The following KIAA2012 variants were observed in gnomAD, a reference collection of about 807,000 sequenced individuals.
KIAA2012 encodes KIAA2012.
A neutral mutation model predicts 150.6 loss-of-function variants in KIAA2012; 125 were observed. The observed-to-expected ratio is 0.83, with a 90% CI of 0.72 to 0.96. The LOEUF (loss-of-function observed/expected upper bound fraction) is 0.96, where lower values mean the gene tolerates loss of function less well. KIAA2012 is among the 40% of genes least tolerant of loss of function. The pLI is 0.00. For missense variants in KIAA2012, 1,219 were observed against 1,354.9 expected (o/e 0.90, Z 1.57); for synonymous variants, 462 against 504.7 (o/e 0.92, Z 1.13).
chr2:202,121,137 G>A (rs1690644295), intron 11 of KIAA2012, among the ~76,000 whole-genome samples: 1 of 152,186 alleles, frequency 6.6e-6, no homozygotes, highest in African/African-American at 2.4e-5. Flanking sequence ...CAACCATGTG[G>A]AAGAGAACAA....
rs1296602796 is a variant in KIAA2012, at chr2:202,109,726, C to G, written c.1588C>G (p.His530Asp). The part of the protein sequence containing the change: ...KGVDSPRTSD[H>D]NSPPSLPNMR... ...CGTGGACAGCCCTAGGACATCAGAC[C>G]ACAACAGCCCCCCAAGTCTCCCGAA... The change falls in exon 10 of 24, where the codon CAC becomes GAC. Residue 530 changes from histidine to aspartate, a missense_variant. His to Asp is a moderately conservative substitution (Grantham distance 81, BLOSUM62 -1). Coordinates refer to ENST00000498697, the MANE Select transcript of KIAA2012 (RefSeq NM_001277372.4). 3.2e-6 allele frequency: 5 copies of G among 1,550,338 alleles called. No homozygotes were observed. The Admixed American group carries it at 7.8e-5, about 24-fold the overall frequency.
intron 2 of KIAA2012, among the ~76,000 whole-genome samples, chr2:202,083,171 T>C (rs1182804774): frequency 6.6e-6 from 1 of 152,200 alleles, no homozygotes; most frequent in Non-Finnish European, 1.5e-5. Flanking sequence ...GACTTTCTTC[T>C]TTATGGCCTT....
intron 13 of KIAA2012, among the ~76,000 whole-genome samples, chr2:202,141,590 G>A (rs1298350236): frequency 1.3e-5 from 2 of 152,220 alleles, no homozygotes; most frequent in Non-Finnish European, 1.5e-5. Flanking sequence ...TGCCAGAGCT[G>A]CAGTCCTGAA....
intron 12 of KIAA2012, 110 bp downstream of exon 12, chr2:202,125,392 C>A: frequency 2.5e-6 from 2 of 795,630 alleles, no homozygotes; most frequent in East Asian, 2.7e-5. Flanking sequence ...CCCAAATATA[C>A]CAATAAGTAG....
chr2:202,135,048 G>A (rs1387883163), intron 12 of KIAA2012, among the ~76,000 whole-genome samples: 1 of 152,218 alleles, frequency 6.6e-6, no homozygotes, highest in African/African-American at 2.4e-5. Flanking sequence ...GGCTTGGGAT[G>A]AGAACCCCAT....
chr2:202,082,759 A>G (rs796745607), intron 2 of KIAA2012, among the ~76,000 whole-genome samples: 32 of 152,158 alleles, frequency 2.1e-4, no homozygotes, highest in African/African-American at 7.7e-4. Context: ...ACTTAGTTCT[A>G]AGAGTTTTAC....
intron 12 of KIAA2012, chr2:202,136,007 A>T (rs9679591): frequency 0.61 from 188,965 of 307,948 alleles, 57,639 homozygotes; most frequent in African/African-American, 0.69. Context: ...AAAAAAAAAA[A>T]TTTTTTTTGA....
rs376450801 is a variant in KIAA2012 at position 202,133,101 on chromosome 2, TA to T, written c.1832-5322del. Among the ~76,000 whole-genome samples the T allele has an allele frequency of 8.1e-5, 6 of 74,188 alleles. No individual in the cohort carries two copies. The South Asian group carries it at 1.5e-3, about 18-fold the overall frequency. The allele number at this position is 74,188 out of a possible 152,430, so 48.7% of individuals were successfully genotyped here. A position where few individuals can be genotyped will look rare whatever the true frequency, so the allele number is the denominator to read the frequency against. ...GCCTGGGCGACAGTGTGAGACTGTC[TA>T]AAAAAAAATATATATATATATATAT... On this transcript the variant is annotated intron_variant, in intron 12 of 23. Transcript: ENST00000498697.
At chr2:202,175,039 T>A (rs1295499850) in intron 15 of KIAA2012, among the ~76,000 whole-genome samples, 1 of 152,228 alleles carries the variant, frequency 6.6e-6, no homozygotes, top group Non-Finnish European at 1.5e-5. Flanking sequence ...GCAAACCAAC[T>A]GTTTACAATT....
chr2:202,174,569 A>C (rs527560800), intron 15 of KIAA2012, among the ~76,000 whole-genome samples: 1 of 152,370 alleles, frequency 6.6e-6, no homozygotes, highest in African/African-American at 2.4e-5. Context: ...CATAAAGCAC[A>C]ATTTAAAAAT....
At position 202,100,443 on chromosome 2, in the gene KIAA2012, G is replaced by C. The variant is rs1348298646; in HGVS notation, c.1149G>C (p.Lys383Asn). 1 of 1,549,586 alleles carries C rather than the reference G, an allele frequency of 6.5e-7. No individual in the cohort carries two copies. The highest frequency in any genetic ancestry group is 1.2e-5 in the South Asian group (1 of 83,894). The change falls in exon 7 of 24, where the codon AAG (lysine) becomes AAC (asparagine). Residue 383 changes from lysine to asparagine, a missense_variant. Lys to Asn is a moderately conservative substitution (Grantham distance 94, BLOSUM62 0). Coordinates refer to ENST00000498697, the MANE Select transcript of KIAA2012 (RefSeq NM_001277372.4). ...SRIITPGEVK[K>N]KKAPKALKLP... ...TAATCACCCCTGGGGAAGTGAAGAAGAAAAAGGTTGTGTGTATATGTATGT... is the reference window on the plus strand; with the variant it reads ...TAATCACCCCTGGGGAAGTGAAGAACAAAAAGGTTGTGTGTATATGTATGT...
chr2:202,160,382 C>G (rs921086960), intron 14 of KIAA2012, among the ~76,000 whole-genome samples: 1 of 142,996 alleles, frequency 7.0e-6, no homozygotes, highest in Non-Finnish European at 1.5e-5. Flanking sequence ...GGCGTGATCT[C>G]GGCTCACTGC....
intron 11 of KIAA2012, among the ~76,000 whole-genome samples, chr2:202,124,567 TG>T (rs1469530158): frequency 1.3e-5 from 2 of 152,226 alleles, no homozygotes; most frequent in Non-Finnish European, 2.9e-5. Context: ...ACACAGCTGC[TG>T]TTCAAATCTG....
chr2:202,088,811 G>C (rs373573191), intron 2 of KIAA2012, among the ~76,000 whole-genome samples: 1 of 152,148 alleles, frequency 6.6e-6, no homozygotes, highest in South Asian at 2.1e-4. Context: ...GTATGTGCCA[G>C]GCACTGTGAA....
intron 18 of KIAA2012, 87 bp from the exon 19 acceptor site, chr2:202,190,087 C>G (rs79156159): frequency 1.7e-5 from 15 of 898,306 alleles, no homozygotes; most frequent in Middle Eastern, 4.0e-4. Context: ...GACCCTGTCT[C>G]AAAAAAAAAA....
chr2:202,140,791 T>TGC (rs899738014), intron 13 of KIAA2012, among the ~76,000 whole-genome samples: 5 of 152,168 alleles, frequency 3.3e-5, no homozygotes, highest in Non-Finnish European at 7.3e-5. Flanking sequence ...ATTCCTTCCC[T>TGC]GCGGCCTTTC....
intron 11 of KIAA2012, among the ~76,000 whole-genome samples, chr2:202,120,946 T>G (rs1315990406): frequency 6.6e-6 from 1 of 152,260 alleles, no homozygotes; most frequent in Admixed American, 6.5e-5. Context: ...AACACATGGC[T>G]GCCTACCCAG....
At chr2:202,126,264 T>G (rs1016886902) in intron 12 of KIAA2012, among the ~76,000 whole-genome samples, 1 of 151,950 alleles carries the variant, frequency 6.6e-6, no homozygotes, top group Non-Finnish European at 1.5e-5. Context: ...CCTGGCTGCT[T>G]CTTTTGGGGC....
Position 202,109,618 on chromosome 2 carries a change from G to A in KIAA2012, c.1480G>A (p.Asp494Asn). 1 of 1,518,848 alleles carries A rather than the reference G, an allele frequency of 6.6e-7. No individual in the cohort carries two copies. Among genetic ancestry groups the A allele is most frequent in the East Asian group, 2.5e-5 (1 of 40,650 alleles). The allele number at this position is 1,518,848 out of a possible 1,614,324, so 94.1% of individuals were successfully genotyped here. The change falls in exon 10 of 24, where the codon GAT (aspartate) becomes AAT (asparagine). Residue 494 changes from aspartate to asparagine, a missense_variant. Physicochemically the swap from Asp to Asn is conservative, Grantham distance 23 (BLOSUM62 1). Transcript: ENST00000498697. ...SRDTLSPQDDDAPPHDVAPPL... is the reference protein window; with the variant it reads ...SRDTLSPQDDNAPPHDVAPPL... Reference sequence around the variant, plus strand: ...TTCCCCTTTTGTTTTTAAAGATGATGATGCCCCACCTCACGATGTGGCCCC... The same window carrying A: ...TTCCCCTTTTGTTTTTAAAGATGATAATGCCCCACCTCACGATGTGGCCCC...
Sources: allele counts gnomAD v4.1 joint callset (sites outside exome capture counted in the v4.1 genomes callset), GRCh38; gene constraint gnomAD v4.1.1; transcripts MANE v1.5; gene names NCBI Gene and HGNC (gene_info 2026-07-23, HGNC 2026-07-21).